Variants in TRIM27 observed in about 807,000 individuals in gnomAD.
TRIM27 encodes the protein tripartite motif containing 27.
In TRIM27, 12 loss-of-function variants were observed where a neutral mutation model predicts 57.6. The observed-to-expected ratio is 0.21, with a 90% CI of 0.13 to 0.34. TRIM27 has a LOEUF of 0.34. Among genes scored for constraint, TRIM27 ranks in the 10% least tolerant of loss-of-function variants. The probability of loss-of-function intolerance (pLI) is 1.00; values close to 1 mark genes in which losing one functional copy is unlikely to be tolerated. For missense variants in TRIM27, 403 were observed against 656.8 expected (o/e 0.61, Z 4.22); for synonymous variants, 266 against 259.0 (o/e 1.03, Z -0.26).
chr6:28,904,721 C>T lies in TRIM27; in HGVS notation c.947-56G>A. ...TGGGCCAGGAGAGCCTATTTTAGAA[C>T]ACCCAGCGCCTTTCTACTACCTCCC... On this transcript the variant is annotated intron_variant, in intron 7 of 7. Transcript: ENST00000377199. The surrounding 1 kb of genome is among the most constrained non-coding windows in gnomAD (Gnocchi z 6.1). 7.3e-7 allele frequency: 1 copy of T among 1,365,286 alleles called. No homozygotes were observed. Among genetic ancestry groups the T allele is most frequent in the Non-Finnish European group, 9.9e-7 (1 of 1,011,202 alleles). The allele number at this position is 1,365,286 out of a possible 1,614,324, so 84.6% of individuals were successfully genotyped here. A position where few individuals can be genotyped will look rare whatever the true frequency, so the allele number is the denominator to read the frequency against.
In TRIM27 at chr6:28,903,559, T is replaced by C. The variant is rs191841321; in HGVS notation, c.*511A>G. ...TTCTTTAATGGAGTTAATAAAACTA[T>C]GGCACATTGGGAATCAGGGGCAGAG... On this transcript the variant is annotated 3_prime_UTR_variant, in exon 8 of 8. Transcript: ENST00000377199. 1 of 237,072 alleles carries C rather than the reference T, an allele frequency of 4.2e-6. No individual in the cohort carries two copies. The highest frequency in any genetic ancestry group is 6.0e-5 in the East Asian group (1 of 16,660). 14.7% of individuals were successfully genotyped at this position (237,072 alleles called of 1,614,324 possible). A position where few individuals can be genotyped will look rare whatever the true frequency, so the allele number is the denominator to read the frequency against.
rs369412635 is a variant in TRIM27, at chr6:28,918,831, G to A, written c.747+1181C>T. On this transcript the variant is annotated intron_variant, in intron 3 of 7. Transcript: ENST00000377199. ...GCGGAGGTTGCAGTGAGCCAAGATC[G>A]CACCACTGCACTCCAGCCTGGGCAA... Among the ~76,000 whole-genome samples, 36 of 151,686 alleles carry A rather than the reference G, an allele frequency of 2.4e-4. No homozygotes were observed. In the South Asian group the frequency reaches 5.6e-3, roughly 24 times the overall value.
Position 28,903,642 on chromosome 6 carries a change from C to A in TRIM27, c.*428G>T, listed in dbSNP as rs1007213642. 13 of 251,050 alleles carry A rather than the reference C, an allele frequency of 5.2e-5. No individual in the cohort carries two copies. Among genetic ancestry groups the A allele is most frequent in the African/African-American group, 2.8e-4 (13 of 45,796 alleles). The allele number at this position is 251,050 out of a possible 1,614,324, so 15.6% of individuals were successfully genotyped here. A position where few individuals can be genotyped will look rare whatever the true frequency, so the allele number is the denominator to read the frequency against. ...GGAGCCATGCTGACAGGGCCTTATT[C>A]CAGTCTAGGTTGTTAGAAAGGAGCC... On this transcript the variant is annotated 3_prime_UTR_variant, in exon 8 of 8. Coordinates refer to ENST00000377199, the MANE Select transcript of TRIM27 (RefSeq NM_006510.5).
Position 28,923,671 on chromosome 6 carries a change from C to A in TRIM27, c.-39G>T, listed in dbSNP as rs746967346. The A allele has an allele frequency of 6.7e-6, 10 of 1,498,704 alleles. No individual in the cohort carries two copies. The highest frequency in any genetic ancestry group is 2.4e-4 in the Middle Eastern group (1 of 4,112). 92.8% of individuals were successfully genotyped at this position (1,498,704 alleles called of 1,614,324 possible). A position where few individuals can be genotyped will look rare whatever the true frequency, so the allele number is the denominator to read the frequency against. On this transcript the variant is annotated 5_prime_UTR_variant, in exon 1 of 8. Coordinates refer to ENST00000377199, the MANE Select transcript of TRIM27 (RefSeq NM_006510.5). ...GGGGGCGCACGGGCATGGGCCCCGG[C>A]GCCGAGCTCTGCACTGAGCCCAACT...
chr6:28,916,210 T>C (rs1773591691), intron 3 of TRIM27, among the ~76,000 whole-genome samples: 1 of 151,946 alleles, frequency 6.6e-6, no homozygotes, highest in South Asian at 2.1e-4. Flanking sequence ...CCGCCGCGCC[T>C]GGCCAGTACT....
In TRIM27 at chr6:28,923,327, G is replaced by C. The variant is rs1774198022; in HGVS notation, c.306C>G (p.Pro102=). 1 of 1,612,160 alleles carries C rather than the reference G, an allele frequency of 6.2e-7. No individual in the cohort carries two copies. The highest frequency in any genetic ancestry group is 8.5e-7 in the Non-Finnish European group (1 of 1,179,738). The change falls in exon 1 of 8, where the codon CCC becomes CCG. Residue 102 remains proline (P), a synonymous_variant. Transcript: ENST00000377199. ...EMGVCEKHRE[P]LKLYCEEDQM... ...GGTCCTCCTCGCAGTACAGCTTCAG[G>C]GGCTCGCGGTGCTTCTCGCACACGC...
intron 3 of TRIM27, among the ~76,000 whole-genome samples, chr6:28,913,500 TAC>T (rs994547655): frequency 6.6e-6 from 1 of 151,976 alleles, no homozygotes; most frequent in African/African-American, 2.4e-5. Flanking sequence ...CACACACACA[TAC>T]AGTTTTGTTA....
chr6:28,907,073 A>G (rs1342642050), intron 7 of TRIM27, 163 bp downstream of exon 7: 2 of 628,692 alleles, frequency 3.2e-6, no homozygotes, highest in Non-Finnish European at 5.5e-6. Context: ...TACTGTTAAC[A>G]CATAGAAACA....
chr6:28,923,372 C>G lies in TRIM27; in HGVS notation c.261G>C (p.Ser87=), dbSNP rs998791103. 6.2e-7 allele frequency: 1 copy of G among 1,612,110 alleles called. No individual in the cohort carries two copies. The highest frequency in any genetic ancestry group is 8.5e-7 in the Non-Finnish European group (1 of 1,179,670). The change falls in exon 1 of 8, where the codon TCG becomes TCC. Residue 87 remains serine (S), a synonymous_variant. Coordinates refer to ENST00000377199, the MANE Select transcript of TRIM27 (RefSeq NM_006510.5). ...ACACGCCCATCTCGCCGCCGGGCCC[C>G]GACGGCCGCTCGGTGCGCAGCTGCT... The part of the protein sequence containing the change: ...LVKQLRTERP[S]GPGGEMGVCE...
In TRIM27 at chr6:28,903,745, C is replaced by A; in HGVS notation, c.*325G>T. ...GAGGAAGCCAGGCTGAGCCAAGAAGCTGGAAGTATCTTGAACGGCTCTCCA... is the reference window on the plus strand; with the variant it reads ...GAGGAAGCCAGGCTGAGCCAAGAAGATGGAAGTATCTTGAACGGCTCTCCA... On this transcript the variant is annotated 3_prime_UTR_variant, in exon 8 of 8. Transcript: ENST00000377199. 1 of 341,648 alleles carries A rather than the reference C, an allele frequency of 2.9e-6. No individual in the cohort carries two copies. Among genetic ancestry groups the A allele is most frequent in the Non-Finnish European group, 5.3e-6 (1 of 187,390 alleles). 21.2% of individuals were successfully genotyped at this position (341,648 alleles called of 1,614,324 possible).
intron 1 of TRIM27, 39 bp downstream of exon 1, chr6:28,923,174 C>G: frequency 6.6e-7 from 1 of 1,506,280 alleles, no homozygotes; most frequent in Non-Finnish European, 8.9e-7. Flanking sequence ...CTCCCTTTGT[C>G]CGACTCGCGC....
chr6:28,908,946 C>T, intron 5 of TRIM27, 27 bp downstream of exon 5: 2 of 1,603,954 alleles, frequency 1.2e-6, no homozygotes, highest in Non-Finnish European at 1.7e-6. Context: ...AATCCATTTC[C>T]CCTCATGACA....
Position 28,907,332 on chromosome 6 carries a change from T to G in TRIM27, c.920-70A>C, listed in dbSNP as rs1479069975. Reference sequence around the variant, plus strand: ...CAGGAAATACATAACTAAGGGGGCTTTGGTTAGTCATCATAAAGCAGTGGT... The same window carrying G: ...CAGGAAATACATAACTAAGGGGGCTGTGGTTAGTCATCATAAAGCAGTGGT... On this transcript the variant is annotated intron_variant, in intron 6 of 7. Transcript: ENST00000377199. The G allele has an allele frequency of 2.7e-6, 4 of 1,503,896 alleles. No homozygotes were observed. In the East Asian group the frequency reaches 9.0e-5, roughly 34 times the overall value. The allele number at this position is 1,503,896 out of a possible 1,614,324, so 93.2% of individuals were successfully genotyped here.
chr6:28,904,957 G>C lies in TRIM27; in HGVS notation c.947-292C>G. The C allele has an allele frequency of 2.3e-6, 1 of 428,214 alleles. No homozygotes were observed. The highest frequency in any genetic ancestry group is 2.0e-5 in the African/African-American group (1 of 51,278). The allele number at this position is 428,214 out of a possible 1,614,324, so 26.5% of individuals were successfully genotyped here. On this transcript the variant is annotated intron_variant, in intron 7 of 7. Transcript: ENST00000377199. The surrounding 1 kb of genome is among the most constrained non-coding windows in gnomAD (Gnocchi z 6.1). ...AGATAGGGTCTTGCTCTGTTGCCTAGGCTGGAGCGCAGTGGTGTGGTCATA... is the reference window on the plus strand; with the variant it reads ...AGATAGGGTCTTGCTCTGTTGCCTACGCTGGAGCGCAGTGGTGTGGTCATA...
chr6:28,903,135 A>G lies in TRIM27; in HGVS notation c.*935T>C, dbSNP rs1034872089. ...TGACTTCAGAGTGTCTCATGATCCA[A>G]TGGCCATGGGGACGGAGCTGCCCCT... On this transcript the variant is annotated 3_prime_UTR_variant, in exon 8 of 8. Coordinates refer to ENST00000377199, the MANE Select transcript of TRIM27 (RefSeq NM_006510.5). 7 of 231,680 alleles carry G rather than the reference A, an allele frequency of 3.0e-5. No individual in the cohort carries two copies. Among genetic ancestry groups the G allele is most frequent in the South Asian group, 1.8e-4 (1 of 5,518 alleles). The allele number at this position is 231,680 out of a possible 1,614,324, so 14.4% of individuals were successfully genotyped here. A position where few individuals can be genotyped will look rare whatever the true frequency, so the allele number is the denominator to read the frequency against.
At chr6:28,912,709 G>A (rs1416999366) in intron 3 of TRIM27, among the ~76,000 whole-genome samples, 3 of 152,058 alleles carry the variant, frequency 2.0e-5, no homozygotes, top group Non-Finnish European at 4.4e-5. Flanking sequence ...TTATAAAAAT[G>A]TTGCAGCAGG....
At chr6:28,923,108 C>T (rs1224119289) in intron 1 of TRIM27, 105 bp downstream of exon 1, 15 of 1,297,996 alleles carry the variant, frequency 1.2e-5, no homozygotes, top group South Asian at 1.1e-4. Flanking sequence ...CTGTGAACCA[C>T]ACGTCCGGCT....
chr6:28,910,391 A>G (rs1773114250), intron 4 of TRIM27, among the ~76,000 whole-genome samples: 1 of 151,936 alleles, frequency 6.6e-6, no homozygotes, highest in African/African-American at 2.4e-5. Flanking sequence ...GTGCAGTGGC[A>G]TGATCTCAGC....
At chr6:28,922,026 T>A in intron 1 of TRIM27, 39 bp from the exon 2 acceptor site, 1 of 1,453,916 alleles carries the variant, frequency 6.9e-7, no homozygotes, top group Non-Finnish European at 9.7e-7. Flanking sequence ...CAAAATTAGG[T>A]AGACCTTAGC....
Sources: allele counts gnomAD v4.1 joint callset (sites outside exome capture counted in the v4.1 genomes callset), GRCh38; gene constraint gnomAD v4.1.1; non-coding constraint Gnocchi (gnomAD v3.1); transcripts MANE v1.5; gene names NCBI Gene and HGNC (gene_info 2026-07-23, HGNC 2026-07-21).